ELL2: variants seen among roughly 807,000 people sequenced by gnomAD.
ELL2 encodes the protein elongation factor for RNA polymerase II 2, also known as RNA polymerase II elongation factor ELL2.
A neutral mutation model predicts 72.8 loss-of-function variants in ELL2; 21 were observed. That is an observed-to-expected ratio of 0.29 (90% CI 0.20 to 0.42). ELL2 has a LOEUF of 0.42. Ranked by LOEUF, ELL2 falls within the 10% of genes least tolerant of loss-of-function variation. ELL2 has a pLI of 1.00. For synonymous variants in ELL2, 266 were observed against 283.2 expected, an observed-to-expected ratio of 0.94 and a Z score of 0.61; for missense variants, 568 against 772.8, an observed-to-expected ratio of 0.73 and a Z score of 3.14.
intron 2 of ELL2, among the ~76,000 whole-genome samples, chr5:95,931,092 G>A (rs972396205): frequency 2.0e-5 from 3 of 151,300 alleles, no homozygotes; most frequent in East Asian, 1.9e-4. Context: ...TTTTACAAAC[G>A]GATGAAAAGA....
intron 1 of ELL2, among the ~76,000 whole-genome samples, chr5:95,946,823 A>G (rs369029264): frequency 3.5e-4 from 54 of 152,336 alleles, no homozygotes; most frequent in African/African-American, 1.1e-3. Context: ...TAATTTCCTC[A>G]GTGAGACCTT....
At chr5:95,947,468 A>G (rs534035102) in intron 1 of ELL2, among the ~76,000 whole-genome samples, 1 of 152,172 alleles carries the variant, frequency 6.6e-6, no homozygotes, top group Non-Finnish European at 1.5e-5. Context: ...ATTTTTATTT[A>G]GTTTTCTAAT....
At chr5:95,941,205 A>G (rs1750956313) in intron 2 of ELL2, among the ~76,000 whole-genome samples, 1 of 152,186 alleles carries the variant, frequency 6.6e-6, no homozygotes, top group Admixed American at 6.5e-5. Flanking sequence ...TCAAACACCC[A>G]TTAAGATTTA....
chr5:95,899,489 T>C (rs2042340), intron 7 of ELL2, among the ~76,000 whole-genome samples: 51,584 of 151,770 alleles, frequency 0.34, 9,777 homozygotes, highest in African/African-American at 0.52. Flanking sequence ...CTTTACCAGA[T>C]TGGAAGATAA....
rs932247910 is a variant in ELL2 at position 95,961,834 on chromosome 5, G to A, written c.-113C>T. ...CCACTGCTAGGGCCATCCCGCTGCTGACGTACTGTCATATACTGCGCGGAG... is the reference window on the plus strand; with the variant it reads ...CCACTGCTAGGGCCATCCCGCTGCTAACGTACTGTCATATACTGCGCGGAG... On this transcript the variant is annotated 5_prime_UTR_variant, in exon 1 of 12. It introduces an in-frame stop codon into an upstream open reading frame of the 5' UTR. Coordinates refer to ENST00000237853, the MANE Select transcript of ELL2 (RefSeq NM_012081.6). The A allele has an allele frequency of 1.3e-5, 18 of 1,370,502 alleles. No individual in the cohort carries two copies. Among genetic ancestry groups the A allele is most frequent in the Non-Finnish European group, 1.7e-5 (18 of 1,038,858 alleles). The allele number at this position is 1,370,502 out of a possible 1,614,324, so 84.9% of individuals were successfully genotyped here. A position where few individuals can be genotyped will look rare whatever the true frequency, so the allele number is the denominator to read the frequency against.
intron 2 of ELL2, among the ~76,000 whole-genome samples, chr5:95,926,444 T>C (rs1750284153): frequency 6.6e-6 from 1 of 152,092 alleles, no homozygotes; most frequent in South Asian, 2.1e-4. Context: ...CAAAGAGAAA[T>C]ATTGGCAGTT....
chr5:95,893,316 G>A (rs1748736795), intron 9 of ELL2, among the ~76,000 whole-genome samples: 1 of 152,170 alleles, frequency 6.6e-6, no homozygotes, highest in Non-Finnish European at 1.5e-5. Context: ...ACAAGTAAAA[G>A]TATTCTTATT....
At chr5:95,897,756 C>A (rs1248650028) in intron 8 of ELL2, among the ~76,000 whole-genome samples, 1 of 152,206 alleles carries the variant, frequency 6.6e-6, no homozygotes, top group Non-Finnish European at 1.5e-5. Flanking sequence ...TATGAATCTG[C>A]AAATGAAATT....
At chr5:95,917,591 G>T (rs1458018) in intron 3 of ELL2, among the ~76,000 whole-genome samples, 56,852 of 151,952 alleles carry the variant, frequency 0.37, 11,978 homozygotes, top group African/African-American at 0.58. Flanking sequence ...AAAAGCTAGT[G>T]CTTTTGTTTT....
chr5:95,913,297 A>T (rs1435874269), intron 4 of ELL2: 45 of 152,544 alleles, frequency 2.9e-4, no homozygotes, highest in Admixed American at 2.9e-3. Context: ...TTGTAATGAA[A>T]AATCCTTGTT....
chr5:95,952,696 T>A (rs368452770), intron 1 of ELL2, among the ~76,000 whole-genome samples: 1 of 152,230 alleles, frequency 6.6e-6, no homozygotes, highest in Admixed American at 6.5e-5. Flanking sequence ...AGATATCTAT[T>A]AAACTTTGAT....
At position 95,895,775 on chromosome 5, in the gene ELL2, A is replaced by T. The variant is rs528891462; in HGVS notation, c.1526-84T>A. On this transcript the variant is annotated intron_variant, in intron 8 of 11. Transcript: ENST00000237853. The stretch of plus-strand genomic sequence containing the variant: ...TGTAATTCTAAAATAGATTAGAAAC[A>T]TCTGGAACACTTTTCCTCAAATTCT... 1.6e-3 allele frequency: 1,634 copies of T among 1,043,928 alleles called. 2 individuals carry two copies. The highest frequency in any genetic ancestry group is 2.0e-3 in the Non-Finnish European group (1,374 of 671,918). The allele number at this position is 1,043,928 out of a possible 1,614,324, so 64.7% of individuals were successfully genotyped here. A position where few individuals can be genotyped will look rare whatever the true frequency, so the allele number is the denominator to read the frequency against.
intron 5 of ELL2, among the ~76,000 whole-genome samples, chr5:95,904,624 C>G (rs113515960): frequency 6.6e-6 from 1 of 152,230 alleles, no homozygotes; most frequent in African/African-American, 2.4e-5. Flanking sequence ...ATTATCTCTA[C>G]TGGCACAGGC....
chr5:95,895,917 T>C (rs185675316), intron 8 of ELL2, among the ~76,000 whole-genome samples: 8 of 152,358 alleles, frequency 5.3e-5, no homozygotes, highest in Admixed American at 3.3e-4. Flanking sequence ...CCCTGGCTAC[T>C]GCAGTGTCTG....
rs370091152 is a variant in ELL2, at chr5:95,895,628, A to G, written c.1589T>C (p.Ile530Thr). Residue 530 changes from isoleucine to threonine, a missense_variant and splice_region_variant, in exon 9 of 12, where the codon ATA becomes ACA. Coordinates refer to ENST00000237853, the MANE Select transcript of ELL2 (RefSeq NM_012081.6). ...PSAIELPDYL[I>T]KYIAIVSYEQ... Reference sequence around the variant, plus strand: ...TCCATTGGCAGACATATGAACTTACATCAAATAATCTGGGAGTTCAATTGC... The same window carrying G: ...TCCATTGGCAGACATATGAACTTACGTCAAATAATCTGGGAGTTCAATTGC... 1.2e-6 allele frequency: 2 copies of G among 1,613,624 alleles called. No homozygotes were observed. The highest frequency in any genetic ancestry group is 2.7e-5 in the African/African-American group (2 of 75,050).
rs1428924348 is a variant in ELL2, at chr5:95,952,253, T to C, written c.148-9204A>G. Among the ~76,000 whole-genome samples the C allele has an allele frequency of 2.6e-5, 4 of 152,096 alleles. No individual in the cohort carries two copies. The South Asian group carries it at 8.3e-4, about 31-fold the overall frequency. ...GCATTTATAAGTGAGAGCTAAACAT[T>C]GAGTACGCATGGACATAAAGAGGGG... On this transcript the variant is annotated intron_variant, in intron 1 of 11. Transcript: ENST00000237853.
At chr5:95,927,151 T>C (rs2112322518) in intron 2 of ELL2, among the ~76,000 whole-genome samples, 1 of 152,000 alleles carries the variant, frequency 6.6e-6, no homozygotes, top group South Asian at 2.1e-4. Flanking sequence ...TTCCTGCCAT[T>C]GTGGCACATA....
intron 2 of ELL2, among the ~76,000 whole-genome samples, chr5:95,936,398 T>C (rs1366042035): frequency 6.6e-6 from 1 of 152,070 alleles, no homozygotes; most frequent in Non-Finnish European, 1.5e-5. Context: ...GGGAAAAAAA[T>C]TGTTTTAAGT....
chr5:95,909,746 C>T (rs951776849), intron 4 of ELL2, among the ~76,000 whole-genome samples: 1 of 152,186 alleles, frequency 6.6e-6, no homozygotes, highest in Admixed American at 6.5e-5. Flanking sequence ...GGGACAACAA[C>T]TAAATCGCTG....
Sources: allele counts gnomAD v4.1 joint callset (sites outside exome capture counted in the v4.1 genomes callset), GRCh38; gene constraint gnomAD v4.1.1; transcripts MANE v1.5; gene names NCBI Gene and HGNC (gene_info 2026-07-23, HGNC 2026-07-21).